CD3D: variants seen among roughly 807,000 people sequenced by gnomAD.
CD3D encodes the protein T-cell surface glycoprotein CD3 delta chain.
CD3D carries 22 observed loss-of-function variants against 22.0 expected under a neutral mutation model. The observed-to-expected ratio is 1.00, with a 90% confidence interval of 0.71 to 1.43. The LOEUF is 1.43. Among genes scored for constraint, CD3D ranks in the 40% most tolerant of loss-of-function variants. The pLI is 0.00. For synonymous variants in CD3D, 74 were observed against 81.2 expected (o/e 0.91, Z 0.48); for missense variants, 205 against 211.7 (o/e 0.97, Z 0.20).
At chr11:118,339,295 G>A in intron 4 of CD3D, 68 bp from the exon 5 acceptor site, 1 of 1,537,606 alleles carries the variant, frequency 6.5e-7, no homozygotes. Flanking sequence ...GCCCCAGCAG[G>A]CCCTGACGAT....
rs529268621 is a variant in CD3D at position 118,340,589 on chromosome 11, G to C, written c.60C>G (p.Ser20Arg). 1 of 1,609,908 alleles carries C rather than the reference G, an allele frequency of 6.2e-7. No homozygotes were observed. Among genetic ancestry groups the C allele is most frequent in the African/African-American group, 1.3e-5 (1 of 74,926 alleles). ...LVLATLLSQV[S>R]PFKIPIEELE... ...GTTCCTCTATAGGTATCTTGAAGGG[G>C]CTCACTAAAGGGGAAAAAATATCAC... The change falls in exon 2 of 5, where the codon AGC (serine) becomes AGG (arginine). Residue 20 changes from serine to arginine, a missense_variant. Transcript: ENST00000300692.
chr11:118,340,302 C>A, intron 2 of CD3D, 73 bp downstream of exon 2: 2 of 1,168,030 alleles, frequency 1.7e-6, no homozygotes, highest in East Asian at 2.3e-5. Context: ...TCACCATATC[C>A]CTCTCTAGCC....
chr11:118,341,520 G>C (rs112970787), intron 1 of CD3D, among the ~76,000 whole-genome samples: 3,781 of 152,276 alleles, frequency 0.025, 71 homozygotes, highest in Non-Finnish European at 0.037. Flanking sequence ...CCCTGAAACA[G>C]CTGTTGCTCA....
chr11:118,342,659 C>T lies in CD3D; in HGVS notation c.-52G>A. The T allele has an allele frequency of 6.5e-7, 1 of 1,533,244 alleles. No individual in the cohort carries two copies. The highest frequency in any genetic ancestry group is 1.4e-5 in the African/African-American group (1 of 73,428). 95.0% of individuals were successfully genotyped at this position (1,533,244 alleles called of 1,614,324 possible). On this transcript the variant is annotated 5_prime_UTR_variant, in exon 1 of 5. Transcript: ENST00000300692. ...AAAGCCAGGTCACCGAACTATCAGC[C>T]TGGGTGAGAGCTGCCCTCCCCTAGC...
intron 2 of CD3D, 26 bp downstream of exon 2, chr11:118,340,349 A>T (rs199695944): frequency 1.3e-6 from 2 of 1,584,090 alleles, no homozygotes; most frequent in South Asian, 2.2e-5. Context: ...ATCCATTCCA[A>T]CCCAAAGGGT....
downstream of CD3D, chr11:118,338,966 G>T: frequency 1.6e-6 from 1 of 631,270 alleles, no homozygotes; most frequent in Non-Finnish European, 2.9e-6. Flanking sequence ...TGAGGCAGAG[G>T]AAGGAAGGAG....
chr11:118,339,833 C>T lies in CD3D; in HGVS notation c.348G>A (p.Leu116=), dbSNP rs1243907193. 5 of 1,613,826 alleles carry T rather than the reference C, an allele frequency of 3.1e-6. No homozygotes were observed. The highest frequency in any genetic ancestry group is 4.2e-6 in the Non-Finnish European group (5 of 1,180,004). ...GIIVTDVIAT[L]LLALGVFCFA... is the part of the protein sequence containing the mutation. Reference sequence around the variant, plus strand: ...AGCAGAAGACTCCCAAAGCAAGGAGCAGAGTGGCAATGACATCAGTGACAA... The same window carrying T: ...AGCAGAAGACTCCCAAAGCAAGGAGTAGAGTGGCAATGACATCAGTGACAA... The change falls in exon 3 of 5, where the codon CTG becomes CTA. Residue 116 remains leucine (L), a synonymous_variant. Coordinates refer to ENST00000300692, the MANE Select transcript of CD3D (RefSeq NM_000732.6).
chr11:118,340,916 C>T (rs561557881), intron 1 of CD3D: 483 of 566,386 alleles, frequency 8.5e-4, no homozygotes, highest in Admixed American at 1.2e-3. Flanking sequence ...AGGGGGAGCA[C>T]GGACCACTGA....
chr11:118,342,635 A>G lies in CD3D; in HGVS notation c.-28T>C, dbSNP rs760993986. ...CCCAGCGGAACTCATCCAGTAGATA[A>G]AGCCAGGTCACCGAACTATCAGCCT... On this transcript the variant is annotated 5_prime_UTR_variant, in exon 1 of 5. Transcript: ENST00000300692. 1.2e-6 allele frequency: 2 copies of G among 1,608,342 alleles called. No homozygotes were observed. The highest frequency in any genetic ancestry group is 1.7e-6 in the Non-Finnish European group (2 of 1,174,986).
rs938343493 is a variant in CD3D, at chr11:118,339,558, C to T, written c.407-64G>A. On this transcript the variant is annotated intron_variant, in intron 3 of 4. Coordinates refer to ENST00000300692, the MANE Select transcript of CD3D (RefSeq NM_000732.6). ...TGGGACTGTGAGATCCACCCTCCCA[C>T]ACCCTCAGAAGTCTGCATGAGTGAT... 16 of 1,597,452 alleles carry T rather than the reference C, an allele frequency of 1.0e-5. No individual in the cohort carries two copies. The African/African-American group carries it at 1.6e-4, about 16-fold the overall frequency.
chr11:118,340,647 C>T (rs1948292403), intron 1 of CD3D, 54 bp from the exon 2 acceptor site: 1 of 1,294,732 alleles, frequency 7.7e-7, no homozygotes, highest in Non-Finnish European at 1.1e-6. Flanking sequence ...TGCACCAAGC[C>T]CTTTGTTCTG....
At chr11:118,340,029 G>A (rs766306979) in intron 2 of CD3D, 123 bp from the exon 3 acceptor site, 1 of 1,170,456 alleles carries the variant, frequency 8.5e-7, no homozygotes, top group African/African-American at 1.5e-5. Flanking sequence ...AAGACCCTGG[G>A]AGAAAGGCCT....
At chr11:118,341,637 G>A (rs1011934259) in intron 1 of CD3D, among the ~76,000 whole-genome samples, 4 of 152,202 alleles carry the variant, frequency 2.6e-5, no homozygotes, top group African/African-American at 9.6e-5. Context: ...TCTGTCTCCA[G>A]TGGAAATCCT....
At chr11:118,340,913 G>T (rs906694784) in intron 1 of CD3D, 7 of 571,338 alleles carry the variant, frequency 1.2e-5, no homozygotes, top group Non-Finnish European at 2.0e-5. Flanking sequence ...AGTAGGGGGA[G>T]CACGGACCAC....
At chr11:118,341,217 A>T (rs994518788) in intron 1 of CD3D, among the ~76,000 whole-genome samples, 1 of 152,202 alleles carries the variant, frequency 6.6e-6, no homozygotes, top group Non-Finnish European at 1.5e-5. Context: ...GGCAAATCCC[A>T]TGTACAGTTT....
chr11:118,340,796 C>T (rs1199290279), intron 1 of CD3D: 29 of 679,120 alleles, frequency 4.3e-5, no homozygotes, highest in Middle Eastern at 2.4e-4. Context: ...CATGAGGATG[C>T]CATTCAAGCA....
chr11:118,341,629 T>C (rs539213377), intron 1 of CD3D, among the ~76,000 whole-genome samples: 1 of 152,320 alleles, frequency 6.6e-6, no homozygotes, highest in East Asian at 1.9e-4. Flanking sequence ...TTCAGGGATC[T>C]GTCTCCAGTG....
chr11:118,340,068 C>A (rs1393583698), intron 2 of CD3D, among the ~76,000 whole-genome samples, 162 bp from the exon 3 acceptor site: 1 of 152,110 alleles, frequency 6.6e-6, no homozygotes, highest in African/African-American at 2.4e-5. Context: ...CCTTCCTCCA[C>A]CCTGCATCCT....
At position 118,339,803 on chromosome 11, in the gene CD3D, A is replaced by G. The variant is rs1237318986; in HGVS notation, c.378T>C (p.Ala126=). 8.1e-6 allele frequency: 13 copies of G among 1,613,922 alleles called. No individual in the cohort carries two copies. The highest frequency in any genetic ancestry group is 1.1e-5 in the Non-Finnish European group (13 of 1,179,998). The change falls in exon 3 of 5, where the codon GCT becomes GCC. Residue 126 remains alanine, a synonymous_variant. Transcript: ENST00000300692. The part of the protein sequence containing the change: ...LLLALGVFCF[A]GHETGRLSGA... ...CAGACAGCCTTCCAGTCTCATGTCC[A>G]GCAAAGCAGAAGACTCCCAAAGCAA...
Sources: gnomAD v4.1 joint callset for allele counts (sites outside exome capture counted in the v4.1 genomes callset) on GRCh38, gnomAD v4.1.1 for gene constraint, MANE v1.5 for transcripts, NCBI Gene and HGNC (gene_info 2026-07-23, HGNC 2026-07-21) for gene names.